RALGAPA2: variants seen among roughly 807,000 people sequenced by gnomAD.
RALGAPA2 encodes the protein ral GTPase-activating protein subunit alpha-2.
Under a neutral mutation model 230.4 loss-of-function variants are expected in RALGAPA2, and 139 were observed. The ratio of observed to expected loss-of-function variants is 0.60; its 90% CI spans 0.53 to 0.69. The LOEUF (loss-of-function observed/expected upper bound fraction) is 0.69, where lower values mean the gene tolerates loss of function less well. Ranked by LOEUF, RALGAPA2 falls within the 30% of genes least tolerant of loss-of-function variation. RALGAPA2 has a pLI of 0.00. For missense variants in RALGAPA2, 2,163 were observed against 2,276.0 expected, an observed-to-expected ratio of 0.95 and a Z score of 1.01; for synonymous variants, 847 against 837.8, an observed-to-expected ratio of 1.01 and a Z score of -0.19.
chr20:20,496,962 A>T (rs1409846709), intron 35 of RALGAPA2, among the ~76,000 whole-genome samples: 2 of 152,242 alleles, frequency 1.3e-5, no homozygotes, highest in Non-Finnish European at 2.9e-5. Context: ...TCTGGGACAA[A>T]TGCAACTGCG....
rs2063374323 is a variant in RALGAPA2, at chr20:20,531,767, A to G, written c.3502T>C (p.Trp1168Arg). ...CACTGTGCAAGCTCTTCACATATCC[A>G]GACCCCAAGGGAGCAAACAGCAATG... ...RCIAVCSLGVWICEELAQCTS... is the reference protein window; with the variant it reads ...RCIAVCSLGVRICEELAQCTS... The change falls in exon 27 of 40, where the codon TGG (tryptophan) becomes CGG (arginine). Residue 1168 changes from tryptophan to arginine, a missense_variant. Physicochemically the swap from Trp to Arg is moderately radical, Grantham distance 101. Coordinates refer to ENST00000202677, the MANE Select transcript of RALGAPA2 (RefSeq NM_020343.4). The G allele has an allele frequency of 1.9e-6, 3 of 1,606,762 alleles. No individual in the cohort carries two copies. The highest frequency in any genetic ancestry group is 1.3e-5 in the African/African-American group (1 of 74,874).
In RALGAPA2 at chr20:20,475,577, G is replaced by A. The variant is rs1212654590; in HGVS notation, c.5368-2621C>T. ...CAGAACAAAAACTCTCAGCAAACCA[G>A]GAATAGAAGGGAAATGCCTCAATTT... On this transcript the variant is annotated intron_variant, in intron 36 of 39. Coordinates refer to ENST00000202677, the MANE Select transcript of RALGAPA2 (RefSeq NM_020343.4). Among the ~76,000 whole-genome samples, 5 of 152,166 alleles carry A rather than the reference G, an allele frequency of 3.3e-5. No homozygotes were observed. The East Asian group carries it at 9.7e-4, about 29-fold the overall frequency.
Position 20,429,178 on chromosome 20 carries a change from T to G in RALGAPA2, c.5496-17030A>C, listed in dbSNP as rs188372590. ...GAGACAGGCAACAAAAGTGATGCTC[T>G]GAGACCACCCAGCTAGCAATGAGCA... On this transcript the variant is annotated intron_variant, in intron 37 of 39. Coordinates refer to ENST00000202677, the MANE Select transcript of RALGAPA2 (RefSeq NM_020343.4). Among the ~76,000 whole-genome samples the G allele has an allele frequency of 2.0e-5, 3 of 152,326 alleles. No individual in the cohort carries two copies. The East Asian group carries it at 5.8e-4, about 29-fold the overall frequency.
chr20:20,612,314 T>C (rs1348547403), intron 13 of RALGAPA2, among the ~76,000 whole-genome samples: 1 of 152,222 alleles, frequency 6.6e-6, no homozygotes, highest in Non-Finnish European at 1.5e-5. Flanking sequence ...GAAATCACTC[T>C]GGTTCCTTTC....
chr20:20,445,307 A>C (rs1334065625), intron 37 of RALGAPA2, among the ~76,000 whole-genome samples: 1 of 152,212 alleles, frequency 6.6e-6, no homozygotes, highest in East Asian at 1.9e-4. Flanking sequence ...AAGGAGATTC[A>C]TGAAGATGGA....
chr20:20,640,004 C>T, intron 6 of RALGAPA2, 104 bp from the exon 7 acceptor site: 2 of 827,570 alleles, frequency 2.4e-6, no homozygotes, highest in Non-Finnish European at 4.0e-6. Flanking sequence ...TCTCCATCCA[C>T]TGAAGCAGCT....
chr20:20,401,287 C>G (rs2059830413), intron 38 of RALGAPA2, among the ~76,000 whole-genome samples: 1 of 152,036 alleles, frequency 6.6e-6, no homozygotes, highest in Non-Finnish European at 1.5e-5. Flanking sequence ...AGAAGTGGCT[C>G]CAAGATTTTA....
intron 10 of RALGAPA2, among the ~76,000 whole-genome samples, chr20:20,621,396 T>C (rs1471840932): frequency 6.6e-6 from 1 of 151,738 alleles, no homozygotes; most frequent in African/African-American, 2.4e-5. Context: ...TTGGCCTGAA[T>C]CAGCCATGGT....
chr20:20,679,470 C>A (rs543140070), intron 2 of RALGAPA2, among the ~76,000 whole-genome samples: 2 of 152,310 alleles, frequency 1.3e-5, no homozygotes, highest in East Asian at 1.9e-4. Context: ...CGCTACTTTA[C>A]AAGATACTTG....
rs1165055745 is a variant in RALGAPA2 at position 20,619,425 on chromosome 20, T to C, written c.1402-11A>G. On this transcript the variant is annotated splice_polypyrimidine_tract_variant and intron_variant, in intron 11 of 39. Transcript: ENST00000202677. ...ACTTTCAGATGAGGCCTTCAGAAGA[T>C]AATGATCCATTAACAGAGTGGAAGA... is the stretch of plus-strand genomic sequence containing the variant. 6.3e-7 allele frequency: 1 copy of C among 1,587,976 alleles called. No individual in the cohort carries two copies.
chr20:20,529,099 G>A (rs1387309061), intron 27 of RALGAPA2, among the ~76,000 whole-genome samples: 2 of 152,230 alleles, frequency 1.3e-5, no homozygotes, highest in Non-Finnish European at 2.9e-5. Flanking sequence ...GGCAGGAGAG[G>A]AGGGCAGTGG....
intron 4 of RALGAPA2, among the ~76,000 whole-genome samples, chr20:20,645,727 T>C (rs140885667): frequency 5.4e-4 from 83 of 152,326 alleles, no homozygotes; most frequent in Middle Eastern, 6.8e-3. Context: ...GGTTCAAATC[T>C]AGGTTCTGCA....
intron 31 of RALGAPA2, among the ~76,000 whole-genome samples, chr20:20,513,921 A>C (rs913093770): frequency 6.6e-6 from 1 of 152,208 alleles, no homozygotes; most frequent in African/African-American, 2.4e-5. Context: ...TCTCCTGGGC[A>C]ATGAGACTTG....
intron 1 of RALGAPA2, among the ~76,000 whole-genome samples, chr20:20,709,038 G>C (rs1462348827): frequency 6.6e-6 from 1 of 152,032 alleles, no homozygotes; most frequent in African/African-American, 2.4e-5. Flanking sequence ...CAAAAATCTG[G>C]CCGGACATGG....
chr20:20,689,728 C>CA (rs2068834309), intron 1 of RALGAPA2, among the ~76,000 whole-genome samples: 1 of 151,986 alleles, frequency 6.6e-6, no homozygotes, highest in African/African-American at 2.4e-5. Context: ...GTAGAGATCA[C>CA]AAAAAAAGAC....
At chr20:20,533,117 AC>A (rs1435838225) in intron 26 of RALGAPA2, among the ~76,000 whole-genome samples, 1 of 151,964 alleles carries the variant, frequency 6.6e-6, no homozygotes, top group Non-Finnish European at 1.5e-5. Flanking sequence ...GAAATATTAT[AC>A]CTTATTTTTA....
At chr20:20,640,534 A>G (rs1050410959) in intron 6 of RALGAPA2, among the ~76,000 whole-genome samples, 167 bp downstream of exon 6, 3 of 152,206 alleles carry the variant, frequency 2.0e-5, no homozygotes, top group Non-Finnish European at 4.4e-5. Flanking sequence ...AATAAGCTCC[A>G]AGTCTTTTGA....
At chr20:20,451,019 C>T (rs965463301) in intron 37 of RALGAPA2, among the ~76,000 whole-genome samples, 1 of 152,158 alleles carries the variant, frequency 6.6e-6, no homozygotes, top group Non-Finnish European at 1.5e-5. Flanking sequence ...AGCTCTCAAA[C>T]TCAAGGCAGT....
chr20:20,573,933 T>C (rs1191365921), intron 20 of RALGAPA2, among the ~76,000 whole-genome samples: 1 of 152,256 alleles, frequency 6.6e-6, no homozygotes, highest in Non-Finnish European at 1.5e-5. Flanking sequence ...TGTTTACATT[T>C]CTCTTAAGTA....
Sources: gnomAD v4.1 joint callset for allele counts (sites outside exome capture counted in the v4.1 genomes callset) on GRCh38, gnomAD v4.1.1 for gene constraint, MANE v1.5 for transcripts, NCBI Gene and HGNC (gene_info 2026-07-23, HGNC 2026-07-21) for gene names.